The following HPS3 variants were observed in gnomAD, a reference collection of about 807,000 sequenced individuals.
HPS3 encodes the protein BLOC-2 complex member HPS3.
HPS3 carries 79 observed loss-of-function variants against 110.9 expected under a neutral mutation model. The observed-to-expected ratio is 0.71, with a 90% CI of 0.59 to 0.86. The LOEUF is 0.86. HPS3 is among the 40% of genes least tolerant of loss of function. The pLI, the probability that HPS3 is intolerant of heterozygous loss-of-function variation, is 0.00. For synonymous variants in HPS3, 428 were observed against 451.0 expected (o/e 0.95, Z 0.65); for missense variants, 1,197 against 1,206.2 (o/e 0.99, Z 0.11).
At chr3:149,169,279 ACACTGAAAAGAGC>A (rs1724745407) in intron 16 of HPS3, among the ~76,000 whole-genome samples, 1 of 152,208 alleles carries the variant, frequency 6.6e-6, no homozygotes, top group Non-Finnish European at 1.5e-5. Flanking sequence ...TAACAGTTGT[ACACTGAAAAGAGC>A]CCTGTACTGG....
In HPS3 at chr3:149,145,340, A is replaced by AT; in HGVS notation, c.971-9dup. 1 of 1,594,446 alleles carries AT rather than the reference A, an allele frequency of 6.3e-7. No individual in the cohort carries two copies. The highest frequency in any genetic ancestry group is 8.6e-7 in the Non-Finnish European group (1 of 1,163,226). On this transcript the variant is annotated splice_polypyrimidine_tract_variant and intron_variant, in intron 4 of 16. Transcript: ENST00000296051. The stretch of plus-strand genomic sequence containing the variant: ...GGTTTCATGGTGTTTTATTTCTTTC[A>AT]TTTTTGCATGCAGGTTCTCTTACAT...
rs757612323 is a variant in HPS3, at chr3:149,160,189, A to G, written c.2016A>G (p.Ser672=). 5.0e-6 allele frequency: 8 copies of G among 1,613,936 alleles called. No individual in the cohort carries two copies. Among genetic ancestry groups the G allele is most frequent in the South Asian group, 4.4e-5 (4 of 91,086 alleles). The change falls in exon 11 of 17, where the codon TCA becomes TCG. Residue 672 remains serine (S), a synonymous_variant. Coordinates refer to ENST00000296051, the MANE Select transcript of HPS3 (RefSeq NM_032383.5). ...YLRKLDTSGF[S]SILVTLTKAA... is the part of the protein sequence containing the mutation. ...GGAAGCTGGATACTTCTGGGTTTTC[A>G]TCGATCTTAGTGACATTGACCAAGG...
chr3:149,149,867 T>C (rs1205547859), intron 5 of HPS3, among the ~76,000 whole-genome samples: 3 of 152,168 alleles, frequency 2.0e-5, no homozygotes, highest in Non-Finnish European at 4.4e-5. Context: ...CAGGCATCTA[T>C]TGTGCACTTA....
intron 14 of HPS3, 74 bp from the exon 15 acceptor site, chr3:149,166,960 A>G: frequency 8.5e-7 from 1 of 1,179,240 alleles, no homozygotes; most frequent in South Asian, 1.2e-5. Flanking sequence ...TAGTCTTAAG[A>G]AATTGAATTC....
chr3:149,133,309 A>AT (rs1352160860), intron 1 of HPS3, among the ~76,000 whole-genome samples: 1 of 151,678 alleles, frequency 6.6e-6, no homozygotes, highest in Non-Finnish European at 1.5e-5. Flanking sequence ...ATTTTATTTT[A>AT]TTTTTTTGAG....
Position 149,149,110 on chromosome 3 carries a change from C to T in HPS3, c.1164-1489C>T, listed in dbSNP as rs374739702. Among the ~76,000 whole-genome samples the T allele has an allele frequency of 4.6e-5, 7 of 150,880 alleles. No individual in the cohort carries two copies. The East Asian group carries it at 9.7e-4, about 21-fold the overall frequency. ...CTAAGACTACAGGCGCCCACCACCA[C>T]GCCCAGCTAATTTTTTTTTTTTTTT... On this transcript the variant is annotated intron_variant, in intron 5 of 16. Transcript: ENST00000296051.
chr3:149,138,857 C>T (rs1406604178), intron 1 of HPS3, among the ~76,000 whole-genome samples: 9 of 152,180 alleles, frequency 5.9e-5, no homozygotes, highest in Non-Finnish European at 1.2e-4. Context: ...CCATGTTTCT[C>T]TCATTGTGTA....
chr3:149,148,718 TG>T (rs2108143626), intron 5 of HPS3, among the ~76,000 whole-genome samples: 1 of 151,936 alleles, frequency 6.6e-6, no homozygotes, highest in East Asian at 1.9e-4. Flanking sequence ...TTTTTTTTTT[TG>T]TTGTTGTTTT....
intron 16 of HPS3, among the ~76,000 whole-genome samples, chr3:149,168,779 T>C (rs1351888496): frequency 6.6e-6 from 1 of 152,216 alleles, no homozygotes; most frequent in Non-Finnish European, 1.5e-5. Flanking sequence ...TTTCAGAAGA[T>C]GGAAGTGTCA....
intron 5 of HPS3, among the ~76,000 whole-genome samples, chr3:149,146,532 G>A (rs565335606): frequency 1.3e-5 from 2 of 152,306 alleles, no homozygotes; most frequent in African/African-American, 4.8e-5. Context: ...AAGTTTTTAG[G>A]AACATCCAAA....
chr3:149,154,424 C>A (rs1723313672), intron 7 of HPS3, among the ~76,000 whole-genome samples: 1 of 152,184 alleles, frequency 6.6e-6, no homozygotes, highest in African/African-American at 2.4e-5. Context: ...ACTTTGGTAA[C>A]TGATCACTTT....
At chr3:149,162,476 C>G in intron 12 of HPS3, 143 bp downstream of exon 12, 1 of 891,970 alleles carries the variant, frequency 1.1e-6, no homozygotes, top group Admixed American at 2.1e-5. Flanking sequence ...GATAAAAGTA[C>G]TAATTAAAAG....
chr3:149,149,130 T>TG, intron 5 of HPS3, among the ~76,000 whole-genome samples: 1 of 150,664 alleles, frequency 6.6e-6, no homozygotes, highest in East Asian at 2.0e-4. Context: ...ATTTTTTTTT[T>TG]TTTTTTGTAT....
rs754169264 is a variant in HPS3 at position 149,155,196 on chromosome 3, T to G, written c.1490T>G (p.Val497Gly). Residue 497 changes from valine (V) to glycine (G), a missense_variant, in exon 8 of 17, where the codon GTG (valine) becomes GGG (glycine). Coordinates refer to ENST00000296051, the MANE Select transcript of HPS3 (RefSeq NM_032383.5). ...NLYIVNTISPVQLYKEMVDYS... is the reference protein window; with the variant it reads ...NLYIVNTISPGQLYKEMVDYS... ...TATATTGTGAATACGATCTCACCAG[T>G]GCAGCTGTACAAAGAGATGGTACTC... 1.3e-6 allele frequency: 2 copies of G among 1,566,952 alleles called. No individual in the cohort carries two copies. Among genetic ancestry groups the G allele is most frequent in the Non-Finnish European group, 1.8e-6 (2 of 1,137,196 alleles).
chr3:149,141,221 T>A, intron 3 of HPS3, 33 bp downstream of exon 3: 1 of 1,424,334 alleles, frequency 7.0e-7, no homozygotes, highest in Non-Finnish European at 9.9e-7. Context: ...TTTACCAGCA[T>A]TTTATGTATA....
At position 149,148,597 on chromosome 3, in the gene HPS3, G is replaced by A. The variant is rs560699363; in HGVS notation, c.1164-2002G>A. Among the ~76,000 whole-genome samples the A allele has an allele frequency of 4.0e-5, 6 of 151,236 alleles. 1 individual carries two copies. The South Asian group carries it at 1.3e-3, about 32-fold the overall frequency. On this transcript the variant is annotated intron_variant, in intron 5 of 16. Coordinates refer to ENST00000296051, the MANE Select transcript of HPS3 (RefSeq NM_032383.5). ...TTTTTGTATTTTTAGTAGAGGCGGG[G>A]TTTCACCATGTTGGCCAGACTGGTC...
chr3:149,162,602 C>A, intron 12 of HPS3, 88 bp from the exon 13 acceptor site: 1 of 1,341,460 alleles, frequency 7.5e-7, no homozygotes. Context: ...TTGCGTGGCC[C>A]ATGTGATGCT....
Position 149,172,401 on chromosome 3 carries a change from G to A in HPS3, c.*179G>A, listed in dbSNP as rs570376990. 5.5e-6 allele frequency: 3 copies of A among 549,780 alleles called. No individual in the cohort carries two copies. In the South Asian group the frequency reaches 6.4e-5, roughly 12 times the overall value. The allele number at this position is 549,780 out of a possible 1,614,324, so 34.1% of individuals were successfully genotyped here. ...CAGGCTGCTTACCTTACCGTGTAGTGGTAACTATTCACTTCTTAATTTATG... is the reference window on the plus strand; with the variant it reads ...CAGGCTGCTTACCTTACCGTGTAGTAGTAACTATTCACTTCTTAATTTATG... On this transcript the variant is annotated 3_prime_UTR_variant, in exon 17 of 17. Coordinates refer to ENST00000296051, the MANE Select transcript of HPS3 (RefSeq NM_032383.5).
chr3:149,171,863 C>T (rs1725022649), intron 16 of HPS3, among the ~76,000 whole-genome samples: 1 of 151,944 alleles, frequency 6.6e-6, no homozygotes, highest in Admixed American at 6.6e-5. Context: ...CGCCACCATG[C>T]CCGGCTAATT....
Sources: gnomAD v4.1 joint callset for allele counts (sites outside exome capture counted in the v4.1 genomes callset) on GRCh38, gnomAD v4.1.1 for gene constraint, MANE v1.5 for transcripts, NCBI Gene and HGNC (gene_info 2026-07-23, HGNC 2026-07-21) for gene names.